Variants in TGFB1I1 observed in about 807,000 individuals in gnomAD.
TGFB1I1 encodes the protein transforming growth factor beta-1-induced transcript 1 protein.
TGFB1I1 carries 33 observed loss-of-function variants against 52.0 expected under a neutral mutation model. The observed-to-expected ratio is 0.63, with a 90% CI of 0.48 to 0.85. TGFB1I1 has a LOEUF of 0.85. Among genes scored for constraint, TGFB1I1 ranks in the 40% least tolerant of loss-of-function variants. TGFB1I1 has a pLI of 0.00. For missense variants in TGFB1I1, 577 were observed against 614.9 expected (o/e 0.94, Z 0.65); for synonymous variants, 236 against 253.3 (o/e 0.93, Z 0.65).
At position 31,474,593 on chromosome 16, in the gene TGFB1I1, G is replaced by A. The variant is rs925272943; in HGVS notation, c.550G>A (p.Val184Met). The change falls in exon 7 of 11, where the codon GTG becomes ATG. Residue 184 changes from valine to methionine, a missense_variant. Coordinates refer to ENST00000394863, the MANE Select transcript of TGFB1I1 (RefSeq NM_001042454.3). The surrounding 1 kb of genome is among the most constrained non-coding windows in gnomAD (Gnocchi z 4.2). Reference protein sequence around the residue: ...LPASGPTQPPVVSSTNEGSPS... With the variant: ...LPASGPTQPPMVSSTNEGSPS... ...AGCCTCTGGGCCAACTCAGCCACCG[G>A]TGGTGAGCTCCACAAATGAGGGCTC... The A allele has an allele frequency of 4.3e-6, 7 of 1,609,318 alleles. No individual in the cohort carries two copies. In the African/African-American group the frequency reaches 8.0e-5, roughly 18 times the overall value.
rs754691399 is a variant in TGFB1I1, at chr16:31,473,499, C to G, written c.72C>G (p.Pro24=). ...TTSHMPRSGA[P]KERPAEPLTP... ...CGCACATGCCAAGGTCAGGGGCTCC[C>G]AAAGAGCGCCCTGCGGAGCCTCTCA... Residue 24 remains proline (P), a synonymous_variant, in exon 2 of 11, where the codon CCC becomes CCG. Transcript: ENST00000394863. 3 of 1,613,898 alleles carry G rather than the reference C, an allele frequency of 1.9e-6. No individual in the cohort carries two copies. The highest frequency in any genetic ancestry group is 1.1e-5 in the South Asian group (1 of 91,088).
Position 31,474,318 on chromosome 16 carries a change from G to A in TGFB1I1, c.414-32G>A, listed in dbSNP as rs1428889666. ...ACTAGAGGGAGCGTTGCTCTGGGAG[G>A]CTCTGAGATGACACAAGCATGTTCT... is the stretch of plus-strand genomic sequence containing the variant. On this transcript the variant is annotated intron_variant, in intron 5 of 10. Coordinates refer to ENST00000394863, the MANE Select transcript of TGFB1I1 (RefSeq NM_001042454.3). This position sits in a 1 kb window ranked among gnomAD's most constrained non-coding sequence, Gnocchi z 4.2. 1 of 1,613,886 alleles carries A rather than the reference G, an allele frequency of 6.2e-7. No homozygotes were observed. Among genetic ancestry groups the A allele is most frequent in the Non-Finnish European group, 8.5e-7 (1 of 1,179,830 alleles).
rs146100882 is a variant in TGFB1I1, at chr16:31,476,194, C to G, written c.888+9C>G. ...ACCAGCCCATCCGACACGTGAGCCC[C>G]GCCCGGCCGCACCGAGCCCGCCCTA... On this transcript the variant is annotated intron_variant, in intron 8 of 10. Transcript: ENST00000394863. This position sits in a 1 kb window ranked among gnomAD's most constrained non-coding sequence, Gnocchi z 7.6. The G allele has an allele frequency of 3.1e-6, 5 of 1,609,262 alleles. No individual in the cohort carries two copies. The highest frequency in any genetic ancestry group is 3.3e-5 in the Admixed American group (2 of 59,834).
rs2082426208 is a variant in TGFB1I1, at chr16:31,476,692, A to T, written c.970+130A>T. 7.0e-7 allele frequency: 1 copy of T among 1,427,900 alleles called. No homozygotes were observed. Among genetic ancestry groups the T allele is most frequent in the African/African-American group, 1.4e-5 (1 of 70,816 alleles). The allele number at this position is 1,427,900 out of a possible 1,614,324, so 88.5% of individuals were successfully genotyped here. Reference sequence around the variant, plus strand: ...CTCTCTTCTGGCCCTGCCCTCTCCTACACAGACTCCGGACCCGAGCCCTCC... The same window carrying T: ...CTCTCTTCTGGCCCTGCCCTCTCCTTCACAGACTCCGGACCCGAGCCCTCC... On this transcript the variant is annotated intron_variant, in intron 9 of 10. Transcript: ENST00000394863. This position sits in a 1 kb window ranked among gnomAD's most constrained non-coding sequence, Gnocchi z 7.6.
chr16:31,472,958 A>C (rs561384878), intron 1 of TGFB1I1: 132 of 156,100 alleles, frequency 8.5e-4, no homozygotes, highest in Non-Finnish European at 1.4e-3. Context: ...TGTACCGCAG[A>C]TAAACAGCCA....
Position 31,477,455 on chromosome 16 carries a change from G to T in TGFB1I1, c.1265G>T (p.Arg422Leu), listed in dbSNP as rs148043814. 4 of 1,600,280 alleles carry T rather than the reference G, an allele frequency of 2.5e-6. No individual in the cohort carries two copies. In the African/African-American group the frequency reaches 5.4e-5, roughly 21 times the overall value. The stretch of plus-strand genomic sequence containing the variant: ...GGCCGCTGCGTGTCGGCCCTGGGTC[G>T]CCGCTTCCACCCGGACCACTTCACA... ...VTGRCVSALG[R>L]RFHPDHFTCT... The change falls in exon 11 of 11, where the codon CGC becomes CTC. Residue 422 changes from arginine to leucine, a missense_variant. Physicochemically the swap from Arg to Leu is moderately radical, Grantham distance 102. Coordinates refer to ENST00000394863, the MANE Select transcript of TGFB1I1 (RefSeq NM_001042454.3). The surrounding 1 kb of genome is among the most constrained non-coding windows in gnomAD (Gnocchi z 4.7).
chr16:31,475,815 A>G (rs2082419576), intron 7 of TGFB1I1, 197 bp from the exon 8 acceptor site: 2 of 595,284 alleles, frequency 3.4e-6, no homozygotes, highest in South Asian at 2.1e-5. Context: ...TGCCTCATGT[A>G]TAGGTCAATC....
At position 31,473,463 on chromosome 16, in the gene TGFB1I1, G is replaced by T. The variant is rs1011236441; in HGVS notation, c.36G>T (p.Glu12Asp). The part of the protein sequence containing the change: ...EDLDALLSDL[E>D]TTTSHMPRSG... ...CAGATGCCCTGCTCTCTGACCTGGAGACTACCACCTCGCACATGCCAAGGT... is the reference window on the plus strand; with the variant it reads ...CAGATGCCCTGCTCTCTGACCTGGATACTACCACCTCGCACATGCCAAGGT... Residue 12 changes from glutamate (E) to aspartate (D), a missense_variant, in exon 2 of 11, where the codon GAG becomes GAT. By Grantham distance (45) the Glu-to-Asp change is conservative. This residue lies in a region of TGFB1I1 where 113 missense variants were observed against 123.9 expected (regional missense o/e 0.91). Coordinates refer to ENST00000394863, the MANE Select transcript of TGFB1I1 (RefSeq NM_001042454.3). 3.1e-6 allele frequency: 5 copies of T among 1,613,726 alleles called. No homozygotes were observed. The African/African-American group carries it at 6.7e-5, about 22-fold the overall frequency.
Position 31,474,569 on chromosome 16 carries a change from G to C in TGFB1I1, c.526G>C (p.Ala176Pro), listed in dbSNP as rs574453051. Residue 176 changes from alanine to proline, a missense_variant, in exon 7 of 11, where the codon GCC becomes CCC. Physicochemically the swap from Ala to Pro is conservative, Grantham distance 27. Transcript: ENST00000394863. This position sits in a 1 kb window ranked among gnomAD's most constrained non-coding sequence, Gnocchi z 4.2. ...SDFRVQNHLP[A>P]SGPTQPPVVS... ...CATGTCCTCCCCGCTGCAGCTTCCA[G>C]CCTCTGGGCCAACTCAGCCACCGGT... The C allele has an allele frequency of 1.5e-5, 24 of 1,608,272 alleles. No individual in the cohort carries two copies. The Admixed American group carries it at 2.5e-4, about 17-fold the overall frequency.
Position 31,476,359 on chromosome 16 carries a change from T to G in TGFB1I1, c.889-122T>G. 1 of 1,226,760 alleles carries G rather than the reference T, an allele frequency of 8.2e-7. No homozygotes were observed. The highest frequency in any genetic ancestry group is 1.1e-6 in the Non-Finnish European group (1 of 879,298). 76.0% of individuals were successfully genotyped at this position (1,226,760 alleles called of 1,614,324 possible). The stretch of plus-strand genomic sequence containing the variant: ...CACTCTTCCTTTCTGACCCCCACGT[T>G]CCTAGTTAGATCTTCTCCCCCTCCC... On this transcript the variant is annotated intron_variant, in intron 8 of 10. Coordinates refer to ENST00000394863, the MANE Select transcript of TGFB1I1 (RefSeq NM_001042454.3). This position sits in a 1 kb window ranked among gnomAD's most constrained non-coding sequence, Gnocchi z 7.6.
rs1226362787 is a variant in TGFB1I1, at chr16:31,476,689, C to T, written c.970+127C>T. 5.6e-6 allele frequency: 8 copies of T among 1,429,886 alleles called. No individual in the cohort carries two copies. In the East Asian group the frequency reaches 7.4e-5, roughly 13 times the overall value. 88.6% of individuals were successfully genotyped at this position (1,429,886 alleles called of 1,614,324 possible). On this transcript the variant is annotated intron_variant, in intron 9 of 10. Coordinates refer to ENST00000394863, the MANE Select transcript of TGFB1I1 (RefSeq NM_001042454.3). The surrounding 1 kb of genome is among the most constrained non-coding windows in gnomAD (Gnocchi z 7.6). ...CTGCTCTCTTCTGGCCCTGCCCTCT[C>T]CTACACAGACTCCGGACCCGAGCCC...
chr16:31,476,386 C>T lies in TGFB1I1; in HGVS notation c.889-95C>T. The T allele has an allele frequency of 7.5e-7, 1 of 1,331,210 alleles. No individual in the cohort carries two copies. 82.5% of individuals were successfully genotyped at this position (1,331,210 alleles called of 1,614,324 possible). On this transcript the variant is annotated intron_variant, in intron 8 of 10. Coordinates refer to ENST00000394863, the MANE Select transcript of TGFB1I1 (RefSeq NM_001042454.3). The surrounding 1 kb of genome is among the most constrained non-coding windows in gnomAD (Gnocchi z 7.6). ...CTAGTTAGATCTTCTCCCCCTCCCC[C>T]CACGCATGCCTTAGTCCAGTCACCC...
Position 31,473,600 on chromosome 16 carries a change from C to T in TGFB1I1, c.129+44C>T, listed in dbSNP as rs1596611389. 5 of 1,611,862 alleles carry T rather than the reference C, an allele frequency of 3.1e-6. No homozygotes were observed. The East Asian group carries it at 1.1e-4, about 36-fold the overall frequency. On this transcript the variant is annotated intron_variant, in intron 2 of 10. Transcript: ENST00000394863. Reference sequence around the variant, plus strand: ...GACTGGGGCAGCCACTAGGGCCAGGCTCGGCCTGGTCTATGGGGATCTCAG... The same window carrying T: ...GACTGGGGCAGCCACTAGGGCCAGGTTCGGCCTGGTCTATGGGGATCTCAG...
chr16:31,474,901 T>G lies in TGFB1I1; in HGVS notation c.714+144T>G. 1.2e-6 allele frequency: 1 copy of G among 801,796 alleles called. No individual in the cohort carries two copies. The highest frequency in any genetic ancestry group is 1.9e-6 in the Non-Finnish European group (1 of 515,722). 49.7% of individuals were successfully genotyped at this position (801,796 alleles called of 1,614,324 possible). ...ACTTATGTTTTATGGATGAGGAAAC[T>G]GAAGCTCTGAACCACACAGCAGGTT... On this transcript the variant is annotated intron_variant, in intron 7 of 10. Transcript: ENST00000394863. This position sits in a 1 kb window ranked among gnomAD's most constrained non-coding sequence, Gnocchi z 4.2.
Position 31,476,423 on chromosome 16 carries a change from G to C in TGFB1I1, c.889-58G>C, listed in dbSNP as rs1028384814. The C allele has an allele frequency of 1.0e-5, 16 of 1,541,176 alleles. No individual in the cohort carries two copies. Among genetic ancestry groups the C allele is most frequent in the Non-Finnish European group, 1.4e-5 (16 of 1,128,848 alleles). On this transcript the variant is annotated intron_variant, in intron 8 of 10. Coordinates refer to ENST00000394863, the MANE Select transcript of TGFB1I1 (RefSeq NM_001042454.3). The surrounding 1 kb of genome is among the most constrained non-coding windows in gnomAD (Gnocchi z 7.6). ...TAGTCCAGTCACCCGGGTTCCGCGC[G>C]GGAGAGGAAGGCGCGAAGGCACGGA... is the stretch of plus-strand genomic sequence containing the variant.
At chr16:31,473,640 A>C in intron 2 of TGFB1I1, 42 bp from the exon 3 acceptor site, 1 of 1,590,322 alleles carries the variant, frequency 6.3e-7, no homozygotes. Context: ...AGTGGGGCAG[A>C]GTGCAGGCCT....
intron 1 of TGFB1I1, chr16:31,472,421 A>C (rs951829048): frequency 2.6e-4 from 196 of 758,354 alleles, no homozygotes; most frequent in East Asian, 3.3e-4. Context: ...GTGCTCCTCC[A>C]TCCCAGGCTG....
Position 31,472,269 on chromosome 16 carries a change from C to T in TGFB1I1, c.13+68C>T, listed in dbSNP as rs1420809932. On this transcript the variant is annotated intron_variant, in intron 1 of 10. Transcript: ENST00000394863. ...GCCCAGAGCTGCCTCCCCGCCGTCG[C>T]TCTCCCGCATCTCCCCATCCCTGTC... is the stretch of plus-strand genomic sequence containing the variant. The T allele has an allele frequency of 2.8e-6, 4 of 1,425,104 alleles. No individual in the cohort carries two copies. In the African/African-American group the frequency reaches 5.9e-5, roughly 21 times the overall value. 88.3% of individuals were successfully genotyped at this position (1,425,104 alleles called of 1,614,324 possible). A position where few individuals can be genotyped will look rare whatever the true frequency, so the allele number is the denominator to read the frequency against.
rs376751508 is a variant in TGFB1I1 at position 31,477,599 on chromosome 16, C to T, written c.*23C>T. ...TGACAGCCCGCTCGGCTCGCCCTCTCCCCCGGAGGCCGCGCCCTCCCGGAA... is the reference window on the plus strand; with the variant it reads ...TGACAGCCCGCTCGGCTCGCCCTCTTCCCCGGAGGCCGCGCCCTCCCGGAA... On this transcript the variant is annotated 3_prime_UTR_variant, in exon 11 of 11. Coordinates refer to ENST00000394863, the MANE Select transcript of TGFB1I1 (RefSeq NM_001042454.3). The surrounding 1 kb of genome is among the most constrained non-coding windows in gnomAD (Gnocchi z 4.7). 5 of 1,568,098 alleles carry T rather than the reference C, an allele frequency of 3.2e-6. No homozygotes were observed. In the African/African-American group the frequency reaches 4.0e-5, roughly 13 times the overall value.
Sources: gnomAD v4.1 joint callset for allele counts on GRCh38, gnomAD v4.1.1 for gene constraint, gnomAD v4.1.1 regional missense constraint, Gnocchi (gnomAD v3.1) non-coding constraint, MANE v1.5 for transcripts, NCBI Gene and HGNC (gene_info 2026-07-23, HGNC 2026-07-21) for gene names.